The following CHL1 variants were observed in gnomAD, a reference collection of about 807,000 sequenced individuals.
CHL1 encodes neural cell adhesion molecule L1-like protein.
In CHL1, 96 loss-of-function variants were observed where a neutral mutation model predicts 141.9. The observed-to-expected ratio is 0.68, with a 90% CI of 0.57 to 0.80. CHL1 has a LOEUF of 0.80. Ranked by LOEUF, CHL1 falls within the 30% of genes least tolerant of loss-of-function variation. CHL1 has a pLI of 0.00. For synonymous variants in CHL1, 613 were observed against 502.2 expected (o/e 1.22, Z -2.95); for missense variants, 1,820 against 1,457.2 (o/e 1.25, Z -4.05).
intron 24 of CHL1, 106 bp from the exon 25 acceptor site, chr3:398,121 A>T (rs1708825666): frequency 1.7e-6 from 1 of 603,114 alleles, no homozygotes. Flanking sequence ...TATCTGAGAA[A>T]ATATGGTATA....
chr3:330,603 T>G (rs1701360950), intron 5 of CHL1, among the ~76,000 whole-genome samples: 1 of 152,178 alleles, frequency 6.6e-6, no homozygotes, highest in African/African-American at 2.4e-5. Context: ...AGTAAACTAT[T>G]TCTATTTATT....
rs375509150 is a variant in CHL1, at chr3:280,225, T to C, written c.-95+35533T>C. On this transcript the variant is annotated intron_variant, in intron 2 of 27. Coordinates refer to ENST00000256509, the MANE Select transcript of CHL1 (RefSeq NM_006614.4). ...TAGAGTCTAGGCATTTTTTTTTTTT[T>C]AGTGTACCTAACAGTGATGAAAATT... Among the ~76,000 whole-genome samples the C allele has an allele frequency of 4.3e-3, 649 of 151,694 alleles. 4 individuals carry two copies. The highest frequency in any genetic ancestry group is 0.02 in the South Asian group (96 of 4,816).
chr3:209,739 G>C (rs13082190), intron 1 of CHL1, among the ~76,000 whole-genome samples: 51,690 of 152,022 alleles, frequency 0.34, 9,178 homozygotes, highest in Middle Eastern at 0.49. Context: ...CAGGCCCCGT[G>C]TGTGATGTTC....
intron 2 of CHL1, among the ~76,000 whole-genome samples, chr3:256,761 G>A (rs1161306823): frequency 2.6e-5 from 4 of 152,130 alleles, no homozygotes; most frequent in Non-Finnish European, 5.9e-5. Flanking sequence ...GTATCTTTTT[G>A]GTATTGTATT....
chr3:337,368 T>C (rs1701970676), intron 5 of CHL1, among the ~76,000 whole-genome samples: 2 of 37,456 alleles, frequency 5.3e-5, no homozygotes, highest in Non-Finnish European at 1.0e-4. Context: ...TTTTTTTATA[T>C]ATATTTTTTA....
At chr3:385,548 G>A (rs139780522) in intron 19 of CHL1, among the ~76,000 whole-genome samples, 3 of 152,278 alleles carry the variant, frequency 2.0e-5, no homozygotes, top group East Asian at 3.9e-4. Context: ...AAGCATCTAT[G>A]GCCAGGTGCT....
intron 2 of CHL1, among the ~76,000 whole-genome samples, chr3:285,038 G>C (rs936467819): frequency 2.6e-5 from 4 of 152,128 alleles, no homozygotes; most frequent in Middle Eastern, 3.2e-3. Context: ...TATGAAAGTA[G>C]GCTTATCCAC....
At chr3:399,368 G>T (rs567727953) in intron 26 of CHL1, among the ~76,000 whole-genome samples, 1 of 152,170 alleles carries the variant, frequency 6.6e-6, no homozygotes, top group Non-Finnish European at 1.5e-5. Flanking sequence ...ACTGCCGGGC[G>T]CAGTGGCTCA....
chr3:251,240 C>T (rs1693668115), intron 2 of CHL1, among the ~76,000 whole-genome samples: 1 of 152,036 alleles, frequency 6.6e-6, no homozygotes, highest in African/African-American at 2.4e-5. Flanking sequence ...ATGTGGAATC[C>T]ATCTGTGCTG....
chr3:389,126 A>C (rs1325018080), intron 19 of CHL1, 126 bp from the exon 20 acceptor site: 24 of 759,090 alleles, frequency 3.2e-5, no homozygotes, highest in Non-Finnish European at 5.2e-5. Flanking sequence ...AAGAAGGGGG[A>C]TTTAAGATCT....
At chr3:375,365 G>C (rs2125350748) in intron 15 of CHL1, among the ~76,000 whole-genome samples, 1 of 152,088 alleles carries the variant, frequency 6.6e-6, no homozygotes, top group African/African-American at 2.4e-5. Flanking sequence ...AGGAGGGCGT[G>C]GGAGGAAAGG....
intron 14 of CHL1, 174 bp downstream of exon 14, chr3:363,557 G>A (rs1321162226): frequency 3.4e-6 from 2 of 590,558 alleles, no homozygotes; most frequent in Non-Finnish European, 5.9e-6. Flanking sequence ...GAACTACAGG[G>A]TATGCCCATG....
chr3:290,865 G>A (rs973401099), intron 2 of CHL1, among the ~76,000 whole-genome samples: 15 of 150,872 alleles, frequency 9.9e-5, no homozygotes, highest in African/African-American at 3.2e-4. Flanking sequence ...GAACCCGGGA[G>A]ACAGAGGTTG....
rs543461592 is a variant in CHL1, at chr3:334,922, T to C, written c.386-5872T>C. Among the ~76,000 whole-genome samples, 3 of 152,370 alleles carry C rather than the reference T, an allele frequency of 2.0e-5. No homozygotes were observed. In the South Asian group the frequency reaches 6.2e-4, roughly 32 times the overall value. ...TATATTTATTTCATTGATTTATTGG[T>C]TGATAGGCTGAAAAATAAAAGAATG... On this transcript the variant is annotated intron_variant, in intron 5 of 27. Transcript: ENST00000256509.
intron 19 of CHL1, among the ~76,000 whole-genome samples, chr3:384,108 T>C (rs547100289): frequency 6.6e-6 from 1 of 152,314 alleles, no homozygotes; most frequent in East Asian, 1.9e-4. Flanking sequence ...GGGAAGATTA[T>C]ACAGATTGAT....
chr3:279,277 C>A (rs1696426685), intron 2 of CHL1, among the ~76,000 whole-genome samples: 1 of 151,876 alleles, frequency 6.6e-6, no homozygotes, highest in Non-Finnish European at 1.5e-5. Flanking sequence ...CATCATTTTT[C>A]TTTTCTTTTC....
intron 2 of CHL1, among the ~76,000 whole-genome samples, chr3:274,704 G>A (rs1053823453): frequency 1.2e-4 from 19 of 152,186 alleles, no homozygotes; most frequent in Admixed American, 1.0e-3. Context: ...ATTTTCAGGA[G>A]CATCTAAGTC....
chr3:319,510 A>T (rs921259456), intron 2 of CHL1, among the ~76,000 whole-genome samples, 173 bp from the exon 3 acceptor site: 80 of 151,592 alleles, frequency 5.3e-4, no homozygotes, highest in African/African-American at 1.8e-3. Context: ...CCTTTATTTT[A>T]CATACAAAGA....
chr3:258,702 A>AAAT (rs1364911007), intron 2 of CHL1, among the ~76,000 whole-genome samples: 1 of 152,124 alleles, frequency 6.6e-6, no homozygotes, highest in Non-Finnish European at 1.5e-5. Context: ...AATCAGTTTT[A>AAAT]AATAGAAGCA....
Sources: gnomAD v4.1 joint callset for allele counts (sites outside exome capture counted in the v4.1 genomes callset) on GRCh38, gnomAD v4.1.1 for gene constraint, MANE v1.5 for transcripts, NCBI Gene and HGNC (gene_info 2026-07-23, HGNC 2026-07-21) for gene names.